Variants in PDSS2 observed in about 807,000 individuals in gnomAD.
The protein encoded by PDSS2 is all trans-polyprenyl-diphosphate synthase PDSS2.
In PDSS2, 31 loss-of-function variants were observed where a neutral mutation model predicts 44.5. The observed-to-expected ratio is 0.70, with a 90% confidence interval of 0.52 to 0.94. PDSS2 has a LOEUF of 0.94. Among genes scored for constraint, PDSS2 ranks in the 40% least tolerant of loss-of-function variants. PDSS2 has a pLI of 0.00. For missense variants in PDSS2, 452 were observed against 482.2 expected (o/e 0.94, Z 0.59); for synonymous variants, 157 against 180.3 (o/e 0.87, Z 1.03).
chr6:107,316,883 T>G (rs981554019), intron 2 of PDSS2, among the ~76,000 whole-genome samples: 2 of 152,214 alleles, frequency 1.3e-5, no homozygotes, highest in South Asian at 4.1e-4. Context: ...ATTCCTGGCT[T>G]TGAATTTTGC....
intron 4 of PDSS2, chr6:107,230,103 T>C (rs1773989245): frequency 6.2e-6 from 1 of 160,188 alleles, no homozygotes; most frequent in African/African-American, 2.4e-5. Context: ...ATGAAGTCAG[T>C]CAGGGAGACT....
In PDSS2 at chr6:107,459,449, G is replaced by A. The variant is rs1275241142; in HGVS notation, c.-164C>T. ...CAGTGACCAGAAACGAACTTTAACT[G>A]CTGCTTTCTGCAGCCCAGGCTGGGC... On this transcript the variant is annotated 5_prime_UTR_variant, in exon 1 of 8. Transcript: ENST00000369037. The surrounding 1 kb of genome is among the most constrained non-coding windows in gnomAD (Gnocchi z 4.3). 4.8e-6 allele frequency: 3 copies of A among 627,442 alleles called. No homozygotes were observed. The highest frequency in any genetic ancestry group is 8.4e-6 in the Non-Finnish European group (3 of 355,454). 38.9% of individuals were successfully genotyped at this position (627,442 alleles called of 1,614,324 possible). A position where few individuals can be genotyped will look rare whatever the true frequency, so the allele number is the denominator to read the frequency against.
chr6:107,277,936 G>T (rs1775840298), intron 2 of PDSS2, among the ~76,000 whole-genome samples: 1 of 151,672 alleles, frequency 6.6e-6, no homozygotes, highest in South Asian at 2.1e-4. Flanking sequence ...CTCTAGCCTG[G>T]ATGACAGAGC....
chr6:107,335,991 T>C (rs1187404573), intron 1 of PDSS2, among the ~76,000 whole-genome samples: 2 of 94,042 alleles, frequency 2.1e-5, no homozygotes, highest in Admixed American at 3.3e-4. Context: ...TGGTTGGGTA[T>C]GGTGGCTCAT....
chr6:107,326,641 T>C (rs566942451), intron 2 of PDSS2, among the ~76,000 whole-genome samples: 2 of 151,768 alleles, frequency 1.3e-5, no homozygotes, highest in African/African-American at 4.8e-5. Flanking sequence ...CACTTGAGGC[T>C]AGGAGTTCAA....
chr6:107,227,633 G>A (rs936003412), intron 4 of PDSS2, among the ~76,000 whole-genome samples: 8 of 152,124 alleles, frequency 5.3e-5, no homozygotes, highest in African/African-American at 1.9e-4. Context: ...TTCCTTCTCT[G>A]CTCCCTCCCA....
At chr6:107,327,486 T>C (rs926518253) in intron 2 of PDSS2, among the ~76,000 whole-genome samples, 12 of 152,232 alleles carry the variant, frequency 7.9e-5, no homozygotes, top group African/African-American at 2.7e-4. Context: ...AAAATTTCCC[T>C]GGACAGGGCC....
chr6:107,426,753 G>A (rs551319293), intron 1 of PDSS2, among the ~76,000 whole-genome samples: 42 of 152,226 alleles, frequency 2.8e-4, no homozygotes, highest in African/African-American at 9.9e-4. Context: ...GGAGTTTTAC[G>A]ATATGACTGC....
intron 1 of PDSS2, among the ~76,000 whole-genome samples, chr6:107,446,826 T>C (rs1465531366): frequency 6.6e-6 from 1 of 151,728 alleles, no homozygotes; most frequent in Non-Finnish European, 1.5e-5. Context: ...CCATGACACA[T>C]GGGAATTATG....
Position 107,392,208 on chromosome 6 carries a change from G to T in PDSS2, c.297-57876C>A, listed in dbSNP as rs536483341. 7.2e-5 allele frequency among the ~76,000 whole-genome samples: 11 copies of T among 152,142 alleles called. 1 individual carries two copies. In the South Asian group the frequency reaches 2.3e-3, roughly 32 times the overall value. On this transcript the variant is annotated intron_variant, in intron 1 of 7. Coordinates refer to ENST00000369037, the MANE Select transcript of PDSS2 (RefSeq NM_020381.4). ...GGACCCTAGATGAAAATAAACACAG[G>T]TATACATGTTTTAACATCGGCCAAG...
chr6:107,445,268 T>C (rs1393972565), intron 1 of PDSS2, among the ~76,000 whole-genome samples: 1 of 152,088 alleles, frequency 6.6e-6, no homozygotes, highest in Non-Finnish European at 1.5e-5. Flanking sequence ...AGAGGTTGTA[T>C]TGAGAGGAAG....
At chr6:107,274,741 C>T (rs1194361779) in intron 2 of PDSS2, among the ~76,000 whole-genome samples, 1 of 144,302 alleles carries the variant, frequency 6.9e-6, no homozygotes, top group Non-Finnish European at 1.5e-5. Context: ...GGTGCAATCT[C>T]AGCCCACTGC....
intron 1 of PDSS2, among the ~76,000 whole-genome samples, chr6:107,402,754 A>G (rs1780187827): frequency 6.6e-6 from 1 of 151,472 alleles, no homozygotes; most frequent in Non-Finnish European, 1.5e-5. Flanking sequence ...ACTATAAACT[A>G]GAACTAGAAC....
chr6:107,268,353 T>C (rs1248424273), intron 3 of PDSS2, among the ~76,000 whole-genome samples: 1 of 152,186 alleles, frequency 6.6e-6, no homozygotes, highest in Non-Finnish European at 1.5e-5. Flanking sequence ...TTGAAATATG[T>C]ATTTATTTCA....
chr6:107,242,973 T>G (rs898295260), intron 4 of PDSS2, among the ~76,000 whole-genome samples: 1 of 152,176 alleles, frequency 6.6e-6, no homozygotes, highest in African/African-American at 2.4e-5. Flanking sequence ...TTTAATAAAA[T>G]GTAGCTAATG....
At chr6:107,337,039 CCACACACA>C (rs71861456) in intron 1 of PDSS2, among the ~76,000 whole-genome samples, 35,866 of 141,382 alleles carry the variant, frequency 0.25, 4,697 homozygotes, top group East Asian at 0.3. Context: ...CTTTCACATA[CCACACACA>C]CACACACACA....
At chr6:107,303,698 C>T (rs1346734697) in intron 2 of PDSS2, among the ~76,000 whole-genome samples, 1 of 152,164 alleles carries the variant, frequency 6.6e-6, no homozygotes, top group African/African-American at 2.4e-5. Context: ...GGATGTACCA[C>T]AATATTCTCC....
chr6:107,190,737 G>T (rs1048581446), intron 7 of PDSS2, among the ~76,000 whole-genome samples: 11 of 152,170 alleles, frequency 7.2e-5, no homozygotes, highest in Non-Finnish European at 1.6e-4. Flanking sequence ...ATGAGTGAAG[G>T]CGCAGAGAAC....
At chr6:107,304,699 A>G (rs1171622353) in intron 2 of PDSS2, among the ~76,000 whole-genome samples, 3 of 152,236 alleles carry the variant, frequency 2.0e-5, no homozygotes, top group Non-Finnish European at 4.4e-5. Flanking sequence ...CTTACTAAAT[A>G]TTACCTATTA....
Sources: allele counts gnomAD v4.1 joint callset (sites outside exome capture counted in the v4.1 genomes callset), GRCh38; gene constraint gnomAD v4.1.1; non-coding constraint Gnocchi (gnomAD v3.1); transcripts MANE v1.5; gene names NCBI Gene and HGNC (gene_info 2026-07-23, HGNC 2026-07-21).